Variants in ERBB4 observed in about 807,000 individuals in gnomAD.
The protein encoded by ERBB4 is receptor tyrosine-protein kinase erbB-4.
ERBB4 carries 42 observed loss-of-function variants against 158.0 expected under a neutral mutation model. The ratio of observed to expected loss-of-function variants is 0.27; its 90% CI spans 0.21 to 0.34. The LOEUF is 0.34. Among genes scored for constraint, ERBB4 ranks in the 10% least tolerant of loss-of-function variants. The pLI is 1.00. For synonymous variants in ERBB4, 583 were observed against 558.7 expected, an observed-to-expected ratio of 1.04 and a Z score of -0.61; for missense variants, 1,333 against 1,624.1, an observed-to-expected ratio of 0.82 and a Z score of 3.08.
rs546761492 is a variant in ERBB4, at chr2:211,956,996, T to C, written c.235-9380A>G. Among the ~76,000 whole-genome samples, 3 of 152,034 alleles carry C rather than the reference T, an allele frequency of 2.0e-5. No individual in the cohort carries two copies. The South Asian group carries it at 6.2e-4, about 32-fold the overall frequency. ...ACAGCTACACAACACCACACCAACC[T>C]AATTTTTTTTCCAGTAGAGATGGGG... is the stretch of plus-strand genomic sequence containing the variant. On this transcript the variant is annotated intron_variant, in intron 2 of 27. Transcript: ENST00000342788.
At chr2:212,387,729 A>G (rs567677610) in intron 1 of ERBB4, among the ~76,000 whole-genome samples, 1 of 152,112 alleles carries the variant, frequency 6.6e-6, no homozygotes, top group East Asian at 1.9e-4. Flanking sequence ...ATTAGAACAC[A>G]TTTGAATCTT....
At chr2:211,851,512 C>T (rs945510807) in intron 3 of ERBB4, among the ~76,000 whole-genome samples, 1 of 151,906 alleles carries the variant, frequency 6.6e-6, no homozygotes, top group East Asian at 1.9e-4. Flanking sequence ...ACTAAAAGCG[C>T]TGGCTTCTTG....
At chr2:212,386,435 G>A (rs2106425740) in intron 1 of ERBB4, among the ~76,000 whole-genome samples, 1 of 151,894 alleles carries the variant, frequency 6.6e-6, no homozygotes, top group South Asian at 2.1e-4. Context: ...AAGATACTCT[G>A]GTAATCAAAG....
At chr2:212,518,893 T>A (rs1575071295) in intron 1 of ERBB4, among the ~76,000 whole-genome samples, 1 of 152,094 alleles carries the variant, frequency 6.6e-6, no homozygotes, top group East Asian at 1.9e-4. Context: ...AATAGTTGCA[T>A]GTCAGGCAAT....
intron 20 of ERBB4, among the ~76,000 whole-genome samples, chr2:211,459,440 G>A (rs2064470652): frequency 6.6e-6 from 1 of 152,188 alleles, no homozygotes; most frequent in Non-Finnish European, 1.5e-5. Context: ...CCCTAGGGAG[G>A]TGATACGGTT....
chr2:212,439,432 A>G (rs1166588450), intron 1 of ERBB4, among the ~76,000 whole-genome samples: 1 of 152,120 alleles, frequency 6.6e-6, no homozygotes, highest in South Asian at 2.1e-4. Context: ...CCGTCTCCAA[A>G]CTTACTATCT....
intron 1 of ERBB4, among the ~76,000 whole-genome samples, chr2:212,477,919 A>C (rs1468718474): frequency 1.3e-5 from 2 of 152,152 alleles, no homozygotes; most frequent in East Asian, 3.9e-4. Context: ...AAGAAAGAAC[A>C]GGGAAGTGTT....
intron 5 of ERBB4, among the ~76,000 whole-genome samples, chr2:211,747,063 T>C (rs184413856): frequency 1.1e-4 from 16 of 152,252 alleles, no homozygotes; most frequent in Non-Finnish European, 2.2e-4. Context: ...AGTTCAAAAA[T>C]GGAAACCTCA....
chr2:212,257,739 T>A (rs1008709374), intron 1 of ERBB4, among the ~76,000 whole-genome samples: 2 of 152,148 alleles, frequency 1.3e-5, no homozygotes, highest in African/African-American at 4.8e-5. Flanking sequence ...TAAACAAACT[T>A]CTTTGCACTT....
At position 212,333,921 on chromosome 2, in the gene ERBB4, T is replaced by G. The variant is rs145439096; in HGVS notation, c.82+204528A>C. On this transcript the variant is annotated intron_variant, in intron 1 of 27. Transcript: ENST00000342788. ...GAAACCTATTAGTTTCTGCTCCACA[T>G]GGACTCAGATAGTGTCACTGCTATG... 7.2e-3 allele frequency among the ~76,000 whole-genome samples: 1,094 copies of G among 152,178 alleles called. 11 individuals are homozygous for G. Among genetic ancestry groups the G allele is most frequent in the Middle Eastern group, 0.024 (7 of 294 alleles).
At chr2:211,590,564 C>G (rs933442343) in intron 19 of ERBB4, among the ~76,000 whole-genome samples, 1 of 151,992 alleles carries the variant, frequency 6.6e-6, no homozygotes, top group Non-Finnish European at 1.5e-5. Flanking sequence ...GACAGGGACC[C>G]CCCTCCCCAC....
At chr2:212,232,421 TA>T (rs1479855533) in intron 1 of ERBB4, among the ~76,000 whole-genome samples, 1 of 152,094 alleles carries the variant, frequency 6.6e-6, no homozygotes, top group African/African-American at 2.4e-5. Flanking sequence ...CTATTATTAT[TA>T]TTTTGAGACA....
At chr2:212,169,684 A>T (rs2081454804) in intron 1 of ERBB4, among the ~76,000 whole-genome samples, 1 of 152,144 alleles carries the variant, frequency 6.6e-6, no homozygotes, top group Non-Finnish European at 1.5e-5. Context: ...AATTCCCGAC[A>T]TCTCAAGGGA....
In ERBB4 at chr2:211,640,163, T is replaced by C. The variant is rs79729956; in HGVS notation, c.1947-9569A>G. On this transcript the variant is annotated intron_variant, in intron 16 of 27. Coordinates refer to ENST00000342788, the MANE Select transcript of ERBB4 (RefSeq NM_005235.3). ...TGTTTTATACTGAAAGAAGATTTTT[T>C]TAAAAATAAAATGCTAACAAAGAGG... Among the ~76,000 whole-genome samples, 7 of 152,334 alleles carry C rather than the reference T, an allele frequency of 4.6e-5. No individual in the cohort carries two copies. The East Asian group carries it at 1.4e-3, about 29-fold the overall frequency.
chr2:211,710,349 T>C (rs983218656), intron 9 of ERBB4, among the ~76,000 whole-genome samples: 1 of 152,172 alleles, frequency 6.6e-6, no homozygotes, highest in African/African-American at 2.4e-5. Context: ...TAGCATAATA[T>C]AATCTTACAT....
chr2:211,728,422 T>A (rs988526439), intron 5 of ERBB4, among the ~76,000 whole-genome samples: 2 of 151,684 alleles, frequency 1.3e-5, no homozygotes, highest in African/African-American at 2.4e-5. Flanking sequence ...CTTATATTGA[T>A]ATTTCTATCT....
At chr2:211,870,554 C>T (rs1303370886) in intron 3 of ERBB4, among the ~76,000 whole-genome samples, 1 of 152,044 alleles carries the variant, frequency 6.6e-6, no homozygotes, top group East Asian at 1.9e-4. Flanking sequence ...AAATTCTAAT[C>T]TCAAGCAGTG....
chr2:211,592,535 A>T (rs1172221026), intron 19 of ERBB4, among the ~76,000 whole-genome samples: 1 of 152,204 alleles, frequency 6.6e-6, no homozygotes, highest in Non-Finnish European at 1.5e-5. Context: ...TGAATGATTG[A>T]TTGCTGCAAA....
chr2:211,568,509 A>G (rs1419875284), intron 19 of ERBB4, among the ~76,000 whole-genome samples: 2 of 152,186 alleles, frequency 1.3e-5, no homozygotes, highest in Non-Finnish European at 2.9e-5. Context: ...TTTCACAAAG[A>G]CAAAAGGGAA....
Sources: gnomAD v4.1 joint callset for allele counts (sites outside exome capture counted in the v4.1 genomes callset) on GRCh38, gnomAD v4.1.1 for gene constraint, MANE v1.5 for transcripts, NCBI Gene and HGNC (gene_info 2026-07-23, HGNC 2026-07-21) for gene names.